SMAP1: variants seen among roughly 807,000 people sequenced by gnomAD.
SMAP1 encodes small ArfGAP 1.
Under a neutral mutation model 58.5 loss-of-function variants are expected in SMAP1, and 24 were observed. The ratio of observed to expected loss-of-function variants is 0.41; its 90% CI spans 0.30 to 0.58. The LOEUF (loss-of-function observed/expected upper bound fraction) is 0.58. Among genes scored for constraint, SMAP1 ranks in the 20% least tolerant of loss-of-function variants. The pLI is 0.29. For missense variants in SMAP1, 563 were observed against 566.3 expected, an observed-to-expected ratio of 0.99 and a Z score of 0.06; for synonymous variants, 216 against 196.6, an observed-to-expected ratio of 1.10 and a Z score of -0.82.
chr6:70,680,868 G>A (rs979638233), intron 1 of SMAP1, among the ~76,000 whole-genome samples: 2 of 151,758 alleles, frequency 1.3e-5, no homozygotes, highest in African/African-American at 2.4e-5. Flanking sequence ...ACAGGCACGT[G>A]CCACCACACC....
chr6:70,837,669 T>TC (rs1770648001), intron 7 of SMAP1: 29 of 406,666 alleles, frequency 7.1e-5, no homozygotes, highest in Non-Finnish European at 9.4e-5. Flanking sequence ...TCTCTCTCTC[T>TC]TTTTTTTTTT....
intron 8 of SMAP1, among the ~76,000 whole-genome samples, chr6:70,854,918 G>T (rs1771339225): frequency 6.6e-6 from 1 of 152,012 alleles, no homozygotes. Flanking sequence ...TTACCTGTCT[G>T]GGGTCTAGTC....
intron 6 of SMAP1, among the ~76,000 whole-genome samples, chr6:70,816,489 G>T (rs1769634135): frequency 6.6e-6 from 1 of 152,158 alleles, no homozygotes; most frequent in African/African-American, 2.4e-5. Flanking sequence ...TATAAAGGTA[G>T]ATTAGCCTAA....
chr6:70,837,121 C>A, intron 7 of SMAP1, 93 bp downstream of exon 7: 4 of 812,482 alleles, frequency 4.9e-6, no homozygotes, highest in Non-Finnish European at 7.2e-6. Flanking sequence ...TTGAGTATGC[C>A]AAAACGTACC....
At chr6:70,823,019 A>G (rs1232391288) in intron 6 of SMAP1, among the ~76,000 whole-genome samples, 2 of 151,900 alleles carry the variant, frequency 1.3e-5, no homozygotes, top group Non-Finnish European at 2.9e-5. Context: ...TATATTACCT[A>G]TCTATTCTTG....
chr6:70,784,083 A>G (rs958268833), intron 4 of SMAP1, among the ~76,000 whole-genome samples: 1 of 152,240 alleles, frequency 6.6e-6, no homozygotes, highest in African/African-American at 2.4e-5. Context: ...AGGGAAGCCC[A>G]TCAGACTAAC....
intron 2 of SMAP1, among the ~76,000 whole-genome samples, chr6:70,739,959 C>T (rs1438682828): frequency 6.6e-6 from 1 of 151,530 alleles, no homozygotes; most frequent in Non-Finnish European, 1.5e-5. Flanking sequence ...TTTGGTTGTT[C>T]TGTTTTTCCA....
Position 70,852,646 on chromosome 6 carries a change from T to A in SMAP1, c.771T>A (p.Thr257=). 6.2e-7 allele frequency: 1 copy of A among 1,607,364 alleles called. No individual in the cohort carries two copies. Among genetic ancestry groups the A allele is most frequent in the Non-Finnish European group, 8.5e-7 (1 of 1,176,790 alleles). The part of the protein sequence containing the change: ...GPMISNPLPA[T]VMPPAQGTPS... ...TGATTTCTAATCCCTTACCTGCAAC[T>A]GTCATGCCCCCAGCTCAGGTATGTG... The change falls in exon 8 of 11, where the codon ACT becomes ACA. Residue 257 remains threonine (T), a synonymous_variant. Transcript: ENST00000370455.
chr6:70,857,648 G>T, intron 9 of SMAP1: 1 of 442,262 alleles, frequency 2.3e-6, no homozygotes, highest in Non-Finnish European at 4.1e-6. Flanking sequence ...TACATAGTTT[G>T]GTCTTCACAG....
At chr6:70,825,191 G>A (rs1770062754) in intron 6 of SMAP1, among the ~76,000 whole-genome samples, 1 of 152,238 alleles carries the variant, frequency 6.6e-6, no homozygotes, top group South Asian at 2.1e-4. Context: ...TATTCAAAGA[G>A]AAAATTATTA....
At chr6:70,828,726 G>A (rs1230402243) in intron 6 of SMAP1, among the ~76,000 whole-genome samples, 1 of 152,134 alleles carries the variant, frequency 6.6e-6, no homozygotes, top group Non-Finnish European at 1.5e-5. Context: ...AGAACTAGAG[G>A]TCAGTCAGAT....
chr6:70,686,133 T>G (rs1008924476), intron 1 of SMAP1, among the ~76,000 whole-genome samples: 1 of 152,192 alleles, frequency 6.6e-6, no homozygotes, highest in Non-Finnish European at 1.5e-5. Context: ...TAAGCTCTTA[T>G]GAAAATTTCT....
chr6:70,840,604 A>T (rs1014808392), intron 7 of SMAP1, among the ~76,000 whole-genome samples: 3 of 152,238 alleles, frequency 2.0e-5, no homozygotes, highest in Non-Finnish European at 4.4e-5. Flanking sequence ...TATCAACTGT[A>T]AAAACAGGCA....
At position 70,832,928 on chromosome 6, in the gene SMAP1, G is replaced by A. The variant is rs887850596; in HGVS notation, c.577-4013G>A. 7.9e-5 allele frequency among the ~76,000 whole-genome samples: 12 copies of A among 152,052 alleles called. No homozygotes were observed. In the South Asian group the frequency reaches 2.3e-3, roughly 29 times the overall value. The stretch of plus-strand genomic sequence containing the variant: ...ACATTCCAACAATAGCATCTCCTGA[G>A]TCTGTATTTTAAGTTATTATTACTC... On this transcript the variant is annotated intron_variant, in intron 6 of 10. Coordinates refer to ENST00000370455, the MANE Select transcript of SMAP1 (RefSeq NM_001044305.3).
At chr6:70,808,225 T>C (rs1360939517) in intron 6 of SMAP1, among the ~76,000 whole-genome samples, 1 of 152,110 alleles carries the variant, frequency 6.6e-6, no homozygotes. Context: ...CGTTCAAGGG[T>C]CAGCTGTACT....
At chr6:70,714,345 G>A (rs952336238) in intron 1 of SMAP1, among the ~76,000 whole-genome samples, 4 of 151,786 alleles carry the variant, frequency 2.6e-5, no homozygotes, top group African/African-American at 9.7e-5. Flanking sequence ...GTTGCTTTTT[G>A]TAATGCTGTG....
intron 1 of SMAP1, among the ~76,000 whole-genome samples, chr6:70,678,335 A>G (rs993525540): frequency 6.6e-6 from 1 of 152,162 alleles, no homozygotes; most frequent in Non-Finnish European, 1.5e-5. Context: ...TTAAGAAAAT[A>G]AGGGGAATTC....
intron 7 of SMAP1, among the ~76,000 whole-genome samples, chr6:70,844,688 TTAAAGC>T (rs1335129177): frequency 6.6e-6 from 1 of 152,200 alleles, no homozygotes; most frequent in Non-Finnish European, 1.5e-5. Context: ...TGAAAACAAC[TTAAAGC>T]TTGAAAAGTT....
intron 4 of SMAP1, among the ~76,000 whole-genome samples, chr6:70,775,653 C>A (rs1242346582): frequency 6.6e-6 from 1 of 152,120 alleles, no homozygotes; most frequent in Non-Finnish European, 1.5e-5. Flanking sequence ...TAGAGGTATT[C>A]ACTCTACAGT....
Sources: allele counts gnomAD v4.1 joint callset (sites outside exome capture counted in the v4.1 genomes callset), GRCh38; gene constraint gnomAD v4.1.1; transcripts MANE v1.5; gene names NCBI Gene and HGNC (gene_info 2026-07-23, HGNC 2026-07-21).